Variants in MIER3 observed in about 807,000 individuals in gnomAD.
MIER3 encodes the protein MIER family member 3.
A neutral mutation model predicts 63.2 loss-of-function variants in MIER3; 9 were observed. The ratio of observed to expected loss-of-function variants is 0.14; its 90% CI spans 0.09 to 0.25. MIER3 has a LOEUF of 0.25. Ranked by LOEUF, MIER3 falls within the 10% of genes least tolerant of loss-of-function variation. The pLI, the probability that MIER3 is intolerant of heterozygous loss-of-function variation, is 1.00. For missense variants in MIER3, 512 were observed against 666.2 expected (o/e 0.77, Z 2.55); for synonymous variants, 205 against 224.9 (o/e 0.91, Z 0.79).
chr5:56,948,573 G>A (rs1750908018), intron 2 of MIER3, among the ~76,000 whole-genome samples: 1 of 152,132 alleles, frequency 6.6e-6, no homozygotes, highest in Non-Finnish European at 1.5e-5. Context: ...GGAGGCTGAG[G>A]CAGGAGAATC....
chr5:56,928,495 CAAG>C (rs1398913310), intron 10 of MIER3: 2 of 240,912 alleles, frequency 8.3e-6, no homozygotes, highest in Admixed American at 5.5e-5. Flanking sequence ...AAAGGAAAGT[CAAG>C]GAGAAATGAG....
At chr5:56,951,652 G>A (rs997131713) in intron 1 of MIER3, among the ~76,000 whole-genome samples, 1 of 151,684 alleles carries the variant, frequency 6.6e-6, no homozygotes, top group African/African-American at 2.4e-5. Context: ...CACGACTCCC[G>A]CAGGGCAGTG....
At chr5:56,924,946 A>G (rs566501804) in intron 10 of MIER3, among the ~76,000 whole-genome samples, 23 of 152,346 alleles carry the variant, frequency 1.5e-4, no homozygotes, top group Admixed American at 3.9e-4. Flanking sequence ...ATCATTAACT[A>G]TAAGTCTTCG....
At chr5:56,947,436 G>A (rs1227132395) in intron 2 of MIER3, among the ~76,000 whole-genome samples, 1 of 152,020 alleles carries the variant, frequency 6.6e-6, no homozygotes, top group African/African-American at 2.4e-5. Context: ...CAAAATATCA[G>A]AAAGATTAAA....
rs1486964178 is a variant in MIER3 at position 56,920,538 on chromosome 5, T to C, written c.*2590A>G. ...AAGGCATTATTGTTTCTTCACATGA[T>C]TGCAAATCCGGTTGTTTTCTTGCTT... On this transcript the variant is annotated 3_prime_UTR_variant, in exon 13 of 13. Coordinates refer to ENST00000381199, the MANE Select transcript of MIER3 (RefSeq NM_001297599.2). The C allele has an allele frequency of 6.6e-6, 1 of 152,584 alleles. No homozygotes were observed. The highest frequency in any genetic ancestry group is 1.5e-5 in the Non-Finnish European group (1 of 67,960). The allele number at this position is 152,584 out of a possible 1,614,324, so 9.5% of individuals were successfully genotyped here.
At chr5:56,928,893 C>T (rs61154548) in intron 9 of MIER3, 32 bp from the exon 10 acceptor site, 79,719 of 1,523,086 alleles carry the variant, frequency 0.052, 2,278 homozygotes, top group East Asian at 0.067. Context: ...AATTTATGGG[C>T]CCCCAAATTT....
chr5:56,944,340 G>A (rs1750754076), intron 3 of MIER3, among the ~76,000 whole-genome samples: 1 of 152,054 alleles, frequency 6.6e-6, no homozygotes, highest in Non-Finnish European at 1.5e-5. Flanking sequence ...AATTAGCCAG[G>A]CTTGGTGGCG....
intron 10 of MIER3, among the ~76,000 whole-genome samples, chr5:56,927,631 C>T (rs1750056644): frequency 2.6e-5 from 4 of 152,012 alleles, no homozygotes; most frequent in Admixed American, 2.6e-4. Context: ...GTAGAGAGTT[C>T]CTATATATCC....
chr5:56,941,294 C>G, intron 3 of MIER3: 1 of 260,924 alleles, frequency 3.8e-6, no homozygotes, highest in South Asian at 1.4e-4. Context: ...GAGGTATGCA[C>G]AGAGGGTGAA....
In MIER3 at chr5:56,950,556, C is replaced by A. The variant is rs1244174939; in HGVS notation, c.34+72G>T. ...TGCAGGATACATTTCTATTGGGAATCCTTTAGCAACAGACCTTTGAGCCCA... is the reference window on the plus strand; with the variant it reads ...TGCAGGATACATTTCTATTGGGAATACTTTAGCAACAGACCTTTGAGCCCA... On this transcript the variant is annotated intron_variant, in intron 2 of 12. Transcript: ENST00000381199. The A allele has an allele frequency of 1.4e-5, 21 of 1,478,758 alleles. No homozygotes were observed. In the Middle Eastern group the frequency reaches 5.2e-4, roughly 37 times the overall value. 91.6% of individuals were successfully genotyped at this position (1,478,758 alleles called of 1,614,324 possible). A position where few individuals can be genotyped will look rare whatever the true frequency, so the allele number is the denominator to read the frequency against.
At chr5:56,929,471 GGGA>G (rs1015601096) in intron 9 of MIER3, 16 of 152,100 alleles carry the variant, frequency 1.1e-4, no homozygotes, top group African/African-American at 3.9e-4. Context: ...AAGCTGAGGT[GGGA>G]GGATCACCTG....
At chr5:56,944,623 A>T (rs1750765154) in intron 3 of MIER3, among the ~76,000 whole-genome samples, 1 of 152,230 alleles carries the variant, frequency 6.6e-6, no homozygotes, top group Non-Finnish European at 1.5e-5. Flanking sequence ...TAATGTTAGT[A>T]ACTAACGCCT....
chr5:56,943,718 T>G (rs544848391), intron 3 of MIER3, among the ~76,000 whole-genome samples: 1 of 152,346 alleles, frequency 6.6e-6, no homozygotes, highest in Admixed American at 6.5e-5. Flanking sequence ...AGCCTATTAA[T>G]AAAGCACTTA....
chr5:56,939,072 C>G (rs1750551524), intron 3 of MIER3, 55 bp from the exon 4 acceptor site: 2 of 1,589,790 alleles, frequency 1.3e-6, no homozygotes, highest in Non-Finnish European at 1.7e-6. Flanking sequence ...TACTGAACTG[C>G]AGGTAAACTG....
chr5:56,939,114 A>G, intron 3 of MIER3, 97 bp from the exon 4 acceptor site: 2 of 1,316,428 alleles, frequency 1.5e-6, no homozygotes, highest in South Asian at 1.8e-5. Flanking sequence ...GCACATTATC[A>G]AAACAGCAGA....
At chr5:56,950,767 T>A in intron 1 of MIER3, 115 bp from the exon 2 acceptor site, 2 of 1,202,398 alleles carry the variant, frequency 1.7e-6, no homozygotes, top group East Asian at 2.5e-5. Context: ...CTGCCAAAAG[T>A]GCAAGACGTA....
Position 56,947,005 on chromosome 5 carries a change from T to C in MIER3, c.101A>G (p.Asp34Gly). The C allele has an allele frequency of 6.2e-7, 1 of 1,610,170 alleles. No homozygotes were observed. Among genetic ancestry groups the C allele is most frequent in the South Asian group, 1.1e-5 (1 of 90,056 alleles). ...PTAEMLVHDY[D>G]DERTLEEEEM... ...CTCTTCTTCAAGAGTTCTTTCATCA[T>C]CATAGTCATGGACCAACATCTCAGC... is the stretch of plus-strand genomic sequence containing the variant. Residue 34 changes from aspartate to glycine, a missense_variant, in exon 3 of 13, where the codon GAT becomes GGT. This residue lies in a region of MIER3 where 98 missense variants were observed against 107.4 expected (regional missense o/e 0.91). Coordinates refer to ENST00000381199, the MANE Select transcript of MIER3 (RefSeq NM_001297599.2).
At chr5:56,947,719 G>A (rs767862537) in intron 2 of MIER3, among the ~76,000 whole-genome samples, 19 of 152,118 alleles carry the variant, frequency 1.2e-4, no homozygotes, top group Admixed American at 2.0e-4. Context: ...CTTTACTTTG[G>A]ATTACTAACA....
At chr5:56,923,871 T>C (rs74865790) in intron 11 of MIER3, 38 bp from the exon 12 acceptor site, 152,745 of 1,613,980 alleles carry the variant, frequency 0.095, 7,465 homozygotes, top group East Asian at 0.15. Flanking sequence ...GACTATATAT[T>C]ACAGTTAAAA....
Sources: allele counts gnomAD v4.1 joint callset (sites outside exome capture counted in the v4.1 genomes callset), GRCh38; gene constraint gnomAD v4.1.1; regional missense constraint gnomAD v4.1.1; transcripts MANE v1.5; gene names NCBI Gene and HGNC (gene_info 2026-07-23, HGNC 2026-07-21).